Variants in SLC9A8 observed in about 807,000 individuals in gnomAD.
SLC9A8 encodes the protein sodium/hydrogen exchanger 8.
In SLC9A8, 48 loss-of-function variants were observed where a neutral mutation model predicts 66.6. The ratio of observed to expected loss-of-function variants is 0.72; its 90% CI spans 0.57 to 0.92. The LOEUF is 0.92. Among genes scored for constraint, SLC9A8 ranks in the 40% least tolerant of loss-of-function variants. The pLI is 0.00. For synonymous variants in SLC9A8, 274 were observed against 282.6 expected (o/e 0.97, Z 0.31); for missense variants, 599 against 747.3 (o/e 0.80, Z 2.31).
At chr20:49,887,754 C>T (rs2089942224) in intron 15 of SLC9A8, 75 bp from the exon 16 acceptor site, 4 of 1,176,538 alleles carry the variant, frequency 3.4e-6, no homozygotes, top group Non-Finnish European at 4.9e-6. Flanking sequence ...CCACACAAAA[C>T]ACCCAGTAGC....
intron 12 of SLC9A8, among the ~76,000 whole-genome samples, chr20:49,878,748 G>C (rs536020474): frequency 6.6e-6 from 1 of 152,110 alleles, no homozygotes; most frequent in Non-Finnish European, 1.5e-5. Context: ...GGCTGGGCGC[G>C]GTGGCTCACA....
In SLC9A8 at chr20:49,812,979, C is replaced by T. The variant is rs1044844014; in HGVS notation, c.26+31C>T. 3.6e-6 allele frequency: 5 copies of T among 1,383,878 alleles called. No homozygotes were observed. The African/African-American group carries it at 6.1e-5, about 17-fold the overall frequency. 85.7% of individuals were successfully genotyped at this position (1,383,878 alleles called of 1,614,324 possible). A position where few individuals can be genotyped will look rare whatever the true frequency, so the allele number is the denominator to read the frequency against. On this transcript the variant is annotated intron_variant, in intron 1 of 15. Coordinates refer to ENST00000361573, the MANE Select transcript of SLC9A8 (RefSeq NM_015266.3). ...TGGGCTTTTTCCCGGGCGGCGGAGG[C>T]GGCGGGGCTGGGCCCCGGCGGGTGA...
intron 3 of SLC9A8, among the ~76,000 whole-genome samples, chr20:49,827,607 A>G (rs1372994707): frequency 6.6e-6 from 1 of 151,012 alleles, no homozygotes; most frequent in East Asian, 1.9e-4. Flanking sequence ...GCATCTCGAA[A>G]AAAAAAAAAA....
chr20:49,880,863 G>A, intron 12 of SLC9A8, 61 bp from the exon 13 acceptor site: 1 of 1,120,302 alleles, frequency 8.9e-7, no homozygotes, highest in Non-Finnish European at 1.4e-6. Flanking sequence ...CTTCATCCAA[G>A]AAGCTTCAGC....
rs1485050250 is a variant in SLC9A8, at chr20:49,845,084, C to G, written c.397C>G (p.Pro133Ala). The G allele has an allele frequency of 2.5e-6, 4 of 1,613,484 alleles. No individual in the cohort carries two copies. In the Admixed American group the frequency reaches 5.0e-5, roughly 20 times the overall value. Residue 133 changes from proline to alanine, a missense_variant, in exon 5 of 16, where the codon CCT becomes GCT. Around this residue, in one of 2 missense-constraint regions of SLC9A8, gnomAD observed 467 missense variants for 626.5 expected, o/e 0.75. Coordinates refer to ENST00000361573, the MANE Select transcript of SLC9A8 (RefSeq NM_015266.3). ...PNMFFLLLLP[P>A]IIFESGYSLH... ...CATGTTTTTCCTCCTCCTGCTTCCC[C>G]CTATTATCTTTGAGTCTGGATATTC...
intron 2 of SLC9A8, chr20:49,815,537 G>C: frequency 5.8e-6 from 1 of 173,714 alleles, no homozygotes; most frequent in Non-Finnish European, 1.2e-5. Context: ...TTGAGGTTAG[G>C]AGTTCAAGAC....
Position 49,884,014 on chromosome 20 carries a change from A to G in SLC9A8, c.1439A>G (p.Lys480Arg), listed in dbSNP as rs1253928000. Residue 480 changes from lysine (K) to arginine (R), a missense_variant, in exon 14 of 16, where the codon AAG (lysine) becomes AGG (arginine). Around this residue, in one of 2 missense-constraint regions of SLC9A8, gnomAD observed 467 missense variants for 626.5 expected, o/e 0.75. Transcript: ENST00000361573. ...LIRLMDIEDA[K>R]AHRRNKKDVN... ...CGCCTCATGGACATCGAGGACGCCA[A>G]GGCACACCGCAGGAACAAGAAGGAC... is the stretch of plus-strand genomic sequence containing the variant. 2 of 1,613,666 alleles carry G rather than the reference A, an allele frequency of 1.2e-6. No homozygotes were observed. The highest frequency in any genetic ancestry group is 1.7e-6 in the Non-Finnish European group (2 of 1,179,984).
At chr20:49,817,432 C>G (rs538772288) in intron 2 of SLC9A8, among the ~76,000 whole-genome samples, 1 of 149,618 alleles carries the variant, frequency 6.7e-6, no homozygotes, top group Non-Finnish European at 1.5e-5. Context: ...TAGGTCTTTT[C>G]AGAAAGTTAA....
chr20:49,872,018 T>C (rs1429151175), intron 10 of SLC9A8, among the ~76,000 whole-genome samples: 1 of 150,982 alleles, frequency 6.6e-6, no homozygotes, highest in African/African-American at 2.4e-5. Context: ...GCTTGGGAGG[T>C]TGAGACAGGA....
Position 49,884,077 on chromosome 20 carries a change from T to C in SLC9A8, c.1491+11T>C, listed in dbSNP as rs757553647. 10 of 1,611,940 alleles carry C rather than the reference T, an allele frequency of 6.2e-6. No individual in the cohort carries two copies. Among genetic ancestry groups the C allele is most frequent in the Middle Eastern group, 1.6e-4 (1 of 6,062 alleles). On this transcript the variant is annotated intron_variant, in intron 14 of 15. Coordinates refer to ENST00000361573, the MANE Select transcript of SLC9A8 (RefSeq NM_015266.3). ...AAGACTGAGAAGATGGTTAGTACCA[T>C]GCGCCTGTGGGGGTGGGGCAGGGGG...
intron 10 of SLC9A8, among the ~76,000 whole-genome samples, chr20:49,867,323 G>A (rs1265022117): frequency 6.6e-6 from 1 of 152,134 alleles, no homozygotes; most frequent in African/African-American, 2.4e-5. Context: ...CTTGACATCA[G>A]TTTAATCCTT....
chr20:49,829,822 C>T, intron 3 of SLC9A8: 3 of 559,374 alleles, frequency 5.4e-6, no homozygotes, highest in Non-Finnish European at 1.1e-5. Context: ...GTGCAAACAG[C>T]CTGTCTGAAG....
Position 49,888,122 on chromosome 20 carries a change from C to A in SLC9A8, c.*186C>A, listed in dbSNP as rs929313186. 1.9e-6 allele frequency: 1 copy of A among 533,672 alleles called. No individual in the cohort carries two copies. The highest frequency in any genetic ancestry group is 2.0e-5 in the African/African-American group (1 of 51,084). 33.1% of individuals were successfully genotyped at this position (533,672 alleles called of 1,614,324 possible). A position where few individuals can be genotyped will look rare whatever the true frequency, so the allele number is the denominator to read the frequency against. On this transcript the variant is annotated 3_prime_UTR_variant, in exon 16 of 16. Coordinates refer to ENST00000361573, the MANE Select transcript of SLC9A8 (RefSeq NM_015266.3). Reference sequence around the variant, plus strand: ...CTGACAGGCCTCTGGAGCCAGGCGACTTCTTGGGAAACTGTCATCTCCCGA... The same window carrying A: ...CTGACAGGCCTCTGGAGCCAGGCGAATTCTTGGGAAACTGTCATCTCCCGA...
At chr20:49,849,742 G>A (rs2088171165) in intron 6 of SLC9A8, 62 bp downstream of exon 6, 7 of 1,355,602 alleles carry the variant, frequency 5.2e-6, no homozygotes, top group South Asian at 1.2e-5. Flanking sequence ...GTGCAGGGAG[G>A]TGGGAAGGTG....
intron 8 of SLC9A8, among the ~76,000 whole-genome samples, chr20:49,857,009 T>A (rs537672): frequency 0.33 from 49,928 of 152,046 alleles, 9,494 homozygotes; most frequent in South Asian, 0.57. Context: ...ATCTCAAATA[T>A]ATTTTTCTGA....
intron 6 of SLC9A8, 66 bp from the exon 7 acceptor site, chr20:49,850,744 A>G: frequency 6.3e-7 from 1 of 1,592,724 alleles, no homozygotes; most frequent in East Asian, 2.2e-5. Flanking sequence ...GGACATTTAA[A>G]TCTTGGCTGT....
chr20:49,842,931 A>G (rs1237268912), intron 4 of SLC9A8, among the ~76,000 whole-genome samples: 1 of 151,392 alleles, frequency 6.6e-6, no homozygotes, highest in Non-Finnish European at 1.5e-5. Flanking sequence ...TGGCCGCATC[A>G]CTCCTGTCTT....
intron 10 of SLC9A8, among the ~76,000 whole-genome samples, chr20:49,865,906 C>T (rs1015515905): frequency 1.3e-5 from 2 of 152,196 alleles, no homozygotes; most frequent in African/African-American, 4.8e-5. Flanking sequence ...GGCACTATTG[C>T]AGGGATGTTT....
chr20:49,871,942 G>A (rs652217), intron 10 of SLC9A8, among the ~76,000 whole-genome samples: 139,214 of 152,286 alleles, frequency 0.91, 63,738 homozygotes, highest in African/African-American at 0.95. Context: ...TAGATCCTCA[G>A]TCCCACAGGG....
Sources: allele counts gnomAD v4.1 joint callset (sites outside exome capture counted in the v4.1 genomes callset), GRCh38; gene constraint gnomAD v4.1.1; regional missense constraint gnomAD v4.1.1; transcripts MANE v1.5; gene names NCBI Gene and HGNC (gene_info 2026-07-23, HGNC 2026-07-21).